The following LRRC37B variants were observed in gnomAD, a reference collection of about 807,000 sequenced individuals.
LRRC37B encodes leucine rich repeat containing 37B, also known as leucine-rich repeat-containing protein 37B.
A neutral mutation model predicts 98.3 loss-of-function variants in LRRC37B; 28 were observed. The ratio of observed to expected loss-of-function variants is 0.28; its 90% CI spans 0.21 to 0.39. The LOEUF (loss-of-function observed/expected upper bound fraction) is 0.39. LRRC37B is among the 10% of genes least tolerant of loss of function. The pLI is 1.00. For missense variants in LRRC37B, 938 were observed against 1,182.7 expected, an observed-to-expected ratio of 0.79 and a Z score of 3.03; for synonymous variants, 364 against 442.7, an observed-to-expected ratio of 0.82 and a Z score of 2.23.
At chr17:32,040,525 G>A (rs879793566) in intron 7 of LRRC37B, 29 of 722,162 alleles carry the variant, frequency 4.0e-5, no homozygotes, top group Middle Eastern at 3.3e-4. Flanking sequence ...CAAGCTGGAC[G>A]ATGACTTCAA....
chr17:32,045,649 C>T, intron 7 of LRRC37B, 51 bp from the exon 11 acceptor site: 2 of 1,597,656 alleles, frequency 1.3e-6, no homozygotes, highest in Non-Finnish European at 8.5e-7. Context: ...CCTTTACCTA[C>T]TCAAGTAACC....
intron 1 of LRRC37B, among the ~76,000 whole-genome samples, chr17:32,011,991 T>A (rs1376546192): frequency 6.6e-6 from 1 of 152,332 alleles, no homozygotes; most frequent in East Asian, 1.9e-4. Flanking sequence ...CTAATTTGAT[T>A]CCATTATGGT....
intron 8 of LRRC37B, among the ~76,000 whole-genome samples, 178 bp downstream of exon 11, chr17:32,045,996 T>C (rs1911567271): frequency 6.6e-6 from 1 of 152,254 alleles, no homozygotes; most frequent in South Asian, 2.1e-4. Context: ...TTCTCAGTTA[T>C]TATTACAAAA....
At chr17:32,036,531 G>A (rs946219241) in intron 7 of LRRC37B, among the ~76,000 whole-genome samples, 4 of 152,132 alleles carry the variant, frequency 2.6e-5, no homozygotes, top group Non-Finnish European at 5.9e-5. Context: ...AAGTATACCC[G>A]AGGCTTATGT....
intron 1 of LRRC37B, among the ~76,000 whole-genome samples, chr17:32,023,776 T>A (rs1485072544): frequency 6.6e-6 from 1 of 152,216 alleles, no homozygotes; most frequent in Non-Finnish European, 1.5e-5. Flanking sequence ...GTAGCACTCA[T>A]TTTGTGTCAA....
chr17:32,011,368 C>T (rs1910522665), intron 1 of LRRC37B, among the ~76,000 whole-genome samples: 1 of 151,818 alleles, frequency 6.6e-6, no homozygotes, highest in East Asian at 1.9e-4. Flanking sequence ...ATTTTTCTTT[C>T]TTTCTTTTCA....
At chr17:32,037,417 C>T (rs528950614) in intron 7 of LRRC37B, among the ~76,000 whole-genome samples, 1 of 152,102 alleles carries the variant, frequency 6.6e-6, no homozygotes, top group Admixed American at 6.5e-5. Context: ...AGCCACACAC[C>T]ACCATGCCCA....
intron 6 of LRRC37B, 74 bp from the exon 10 acceptor site, chr17:32,035,491 T>C: frequency 6.8e-7 from 1 of 1,460,048 alleles, no homozygotes; most frequent in South Asian, 1.2e-5. Context: ...TAATCACATG[T>C]CCTTGAATTA....
rs186816601 is a variant in LRRC37B, at chr17:32,033,808, C to A, written c.2058-1102C>A. Among the ~76,000 whole-genome samples the A allele has an allele frequency of 8.0e-4, 122 of 152,196 alleles. 1 individual carries two copies. The highest frequency in any genetic ancestry group is 6.1e-3 in the Admixed American group (94 of 15,290). ...GAATTAAAAAGAAAATAGATTCCAGCATTTTGGAATAAAAATTCACATCAA... is the reference window on the plus strand; with the variant it reads ...GAATTAAAAAGAAAATAGATTCCAGAATTTTGGAATAAAAATTCACATCAA... On this transcript the variant is annotated intron_variant, in intron 5 of 11. Coordinates refer to ENST00000327564, the Ensembl canonical transcript of LRRC37B.
intron 2 of LRRC37B, among the ~76,000 whole-genome samples, chr17:32,026,830 G>A (rs944310629): frequency 3.3e-4 from 50 of 152,272 alleles, no homozygotes; most frequent in African/African-American, 1.2e-3. Context: ...GCACACTGGG[G>A]CTTCTGGGAT....
At chr17:32,010,353 A>G (rs1049240807) in intron 1 of LRRC37B, among the ~76,000 whole-genome samples, 2 of 152,216 alleles carry the variant, frequency 1.3e-5, no homozygotes, top group African/African-American at 4.8e-5. Flanking sequence ...ATAATTTACA[A>G]ATTATCAATT....
chr17:32,041,542 C>T (rs1015824336), intron 7 of LRRC37B: 8 of 507,966 alleles, frequency 1.6e-5, no homozygotes, highest in Admixed American at 1.4e-4. Flanking sequence ...CTGGTGCCCC[C>T]GCCCCGCCCC....
At chr17:32,037,851 T>C (rs554775106) in intron 7 of LRRC37B, among the ~76,000 whole-genome samples, 1 of 152,090 alleles carries the variant, frequency 6.6e-6, no homozygotes, top group Non-Finnish European at 1.5e-5. Flanking sequence ...CTCATGCCTG[T>C]AATCCCAGTA....
chr17:32,045,588 C>T (rs1911548796), intron 7 of LRRC37B, 112 bp from the exon 11 acceptor site: 10 of 1,281,602 alleles, frequency 7.8e-6, no homozygotes, highest in Middle Eastern at 2.6e-4. Context: ...GTCCAGTCCA[C>T]GGGTCTCAGT....
chr17:32,044,401 G>A (rs986721204), intron 7 of LRRC37B, among the ~76,000 whole-genome samples: 1 of 152,152 alleles, frequency 6.6e-6, no homozygotes, highest in Non-Finnish European at 1.5e-5. Flanking sequence ...CATTTTTTGA[G>A]TCAAAGATAG....
At chr17:32,007,767 G>A, upstream of LRRC37B, 2 of 1,192,474 alleles carry the variant, frequency 1.7e-6, no homozygotes, top group Non-Finnish European at 2.1e-6. The surrounding 1 kb of genome is among the most constrained non-coding windows in gnomAD (Gnocchi z 4.1). Flanking sequence ...CCGCCAGGCT[G>A]AGGTGGCGCC....
At chr17:32,021,831 A>G (rs772230855) in exon 1 of LRRC37B, 4 of 1,614,082 alleles carry the variant, frequency 2.5e-6, no homozygotes, top group Non-Finnish European at 3.4e-6. Flanking sequence ...TTATTTGAGT[A>G]TGGACACACT....
At chr17:32,021,691 C>T (rs1397349685) in exon 1 of LRRC37B, 1 of 1,614,216 alleles carries the variant, frequency 6.2e-7, no homozygotes, top group Non-Finnish European at 8.5e-7. Context: ...GTTTCAAGAC[C>T]AACCAAATTT....
At chr17:32,023,214 C>T (rs1296282523) in intron 1 of LRRC37B, among the ~76,000 whole-genome samples, 2 of 151,748 alleles carry the variant, frequency 1.3e-5, no homozygotes, top group Non-Finnish European at 2.9e-5. Flanking sequence ...CTCCGTCTCC[C>T]GGGTTCAAGT....
Sources: gnomAD v4.1 joint callset for allele counts (sites outside exome capture counted in the v4.1 genomes callset) on GRCh38, gnomAD v4.1.1 for gene constraint, Gnocchi (gnomAD v3.1) non-coding constraint, MANE v1.5 for transcripts, NCBI Gene and HGNC (gene_info 2026-07-23, HGNC 2026-07-21) for gene names.